The following PLCG2 variants were observed in gnomAD, a reference collection of about 807,000 sequenced individuals.
The protein encoded by PLCG2 is phospholipase C gamma 2.
PLCG2 carries 69 observed loss-of-function variants against 175.6 expected under a neutral mutation model. The observed-to-expected ratio is 0.39, with a 90% CI of 0.32 to 0.48. PLCG2 has a LOEUF of 0.48. Ranked by LOEUF, PLCG2 falls within the 20% of genes least tolerant of loss-of-function variation. PLCG2 has a pLI of 0.91. For missense variants in PLCG2, 1,798 were observed against 1,650.9 expected (o/e 1.09, Z -1.54); for synonymous variants, 827 against 624.0 (o/e 1.33, Z -4.85).
At chr16:81,780,161 T>A (rs1910665686) in intron 1 of PLCG2, among the ~76,000 whole-genome samples, 1 of 151,624 alleles carries the variant, frequency 6.6e-6, no homozygotes, top group African/African-American at 2.4e-5. Flanking sequence ...GGCGGGGTGG[T>A]AAAGGGGTGA....
chr16:81,842,251 T>G (rs1905873676), intron 2 of PLCG2, among the ~76,000 whole-genome samples: 2 of 152,214 alleles, frequency 1.3e-5, no homozygotes, highest in Non-Finnish European at 2.9e-5. Flanking sequence ...TCAGCCAGGA[T>G]GCATGTGCTC....
intron 2 of PLCG2, among the ~76,000 whole-genome samples, chr16:81,766,525 C>T (rs1260134244): frequency 6.6e-6 from 1 of 151,582 alleles, no homozygotes; most frequent in African/African-American, 2.4e-5. Context: ...AGGTCACCCT[C>T]CTCCAAGAAG....
chr16:81,904,199 C>G (rs961102237), intron 14 of PLCG2, among the ~76,000 whole-genome samples: 2 of 152,222 alleles, frequency 1.3e-5, no homozygotes, highest in Non-Finnish European at 2.9e-5. Context: ...TCCTGCTTCA[C>G]TGTTGACACT....
At chr16:81,757,603 G>A (rs750364461) in intron 2 of PLCG2, among the ~76,000 whole-genome samples, 1 of 151,990 alleles carries the variant, frequency 6.6e-6, no homozygotes, top group African/African-American at 2.4e-5. Context: ...AAAAGCTGTT[G>A]TTTCACATTT....
At chr16:81,770,017 C>T (rs1319514904) in intron 2 of PLCG2, among the ~76,000 whole-genome samples, 1 of 152,018 alleles carries the variant, frequency 6.6e-6, no homozygotes, top group Non-Finnish European at 1.5e-5. Context: ...ACGAAGGGCC[C>T]TGATGCAAGG....
At chr16:81,764,522 C>T (rs12933713) in intron 2 of PLCG2, among the ~76,000 whole-genome samples, 75,342 of 152,066 alleles carry the variant, frequency 0.5, 20,505 homozygotes, top group Non-Finnish European at 0.61. Flanking sequence ...TTTTGCGACA[C>T]TGATCACTGG....
At chr16:81,887,990 A>G (rs1908453322) in intron 9 of PLCG2, among the ~76,000 whole-genome samples, 1 of 152,122 alleles carries the variant, frequency 6.6e-6, no homozygotes, top group Non-Finnish European at 1.5e-5. Flanking sequence ...TTTTGAAAAG[A>G]GGGCATATGA....
chr16:81,771,595 C>T (rs1385183377), intron 2 of PLCG2, among the ~76,000 whole-genome samples: 1 of 152,070 alleles, frequency 6.6e-6, no homozygotes, highest in Non-Finnish European at 1.5e-5. Flanking sequence ...AATGCCTCTT[C>T]CTGCTGTCTC....
At chr16:81,954,753 G>A (rs1911499394) in intron 31 of PLCG2, among the ~76,000 whole-genome samples, 1 of 152,080 alleles carries the variant, frequency 6.6e-6, no homozygotes, top group African/African-American at 2.4e-5. Flanking sequence ...TGGGCATTTG[G>A]GTTGGTTCCA....
chr16:81,931,465 G>A (rs780174357), intron 24 of PLCG2, 32 bp from the exon 25 acceptor site: 11 of 1,608,690 alleles, frequency 6.8e-6, no homozygotes, highest in Non-Finnish European at 9.3e-6. Context: ...CTAATAGGCT[G>A]ATTGGGACAT....
intron 1 of PLCG2, among the ~76,000 whole-genome samples, chr16:81,783,480 T>A (rs1484168127): frequency 6.6e-6 from 1 of 152,208 alleles, no homozygotes; most frequent in Non-Finnish European, 1.5e-5. Context: ...TGGCAAGTAC[T>A]GGCAAATCAG....
intron 12 of PLCG2, chr16:81,895,576 A>G (rs918488605): frequency 5.1e-6 from 2 of 395,272 alleles, no homozygotes; most frequent in East Asian, 3.7e-5. Context: ...AAAAAAAATG[A>G]AAAAAAAAGC....
At chr16:81,793,642 C>G (rs911311629) in intron 2 of PLCG2, among the ~76,000 whole-genome samples, 2 of 152,168 alleles carry the variant, frequency 1.3e-5, no homozygotes, top group African/African-American at 4.8e-5. Flanking sequence ...TGTCTGTTTC[C>G]TTGGTATTAG....
intron 2 of PLCG2, among the ~76,000 whole-genome samples, chr16:81,770,208 C>A (rs1910247029): frequency 6.6e-6 from 1 of 152,142 alleles, no homozygotes; most frequent in South Asian, 2.1e-4. Context: ...CACCCACACC[C>A]CAACCGAGAA....
chr16:81,831,561 C>T (rs548178480), intron 2 of PLCG2, among the ~76,000 whole-genome samples: 1 of 152,346 alleles, frequency 6.6e-6, no homozygotes, highest in Non-Finnish European at 1.5e-5. Context: ...CAACCCCATA[C>T]TCCAGTTGGG....
chr16:81,844,586 C>T (rs555132203), intron 2 of PLCG2, among the ~76,000 whole-genome samples: 5 of 151,920 alleles, frequency 3.3e-5, no homozygotes, highest in African/African-American at 4.8e-5. Flanking sequence ...CCTCCCAAAT[C>T]GCTGGGATTA....
chr16:81,807,125 C>T (rs1904284778), intron 2 of PLCG2, among the ~76,000 whole-genome samples: 1 of 152,158 alleles, frequency 6.6e-6, no homozygotes, highest in African/African-American at 2.4e-5. Context: ...TCCAGGTGGT[C>T]AGTGGAGACC....
intron 4 of PLCG2, 122 bp from the exon 5 acceptor site, chr16:81,858,994 G>C: frequency 1.6e-6 from 1 of 607,560 alleles, no homozygotes; most frequent in East Asian, 2.9e-5. Context: ...TTGTTAGAAA[G>C]TTGGAAGACT....
At chr16:81,925,774 C>G (rs989563787) in intron 22 of PLCG2, among the ~76,000 whole-genome samples, 3 of 152,052 alleles carry the variant, frequency 2.0e-5, no homozygotes, top group African/African-American at 7.2e-5. Flanking sequence ...ATAATCCCAG[C>G]TACTGGCGGG....
Sources: allele counts gnomAD v4.1 joint callset (sites outside exome capture counted in the v4.1 genomes callset), GRCh38; gene constraint gnomAD v4.1.1; transcripts MANE v1.5; gene names NCBI Gene and HGNC (gene_info 2026-07-23, HGNC 2026-07-21).